Variants in B2M observed in about 807,000 individuals in gnomAD.
The protein encoded by B2M is beta chain of MHC class I molecules.
In B2M, 3 loss-of-function variants were observed where a neutral mutation model predicts 14.5. That is an observed-to-expected ratio of 0.21 (90% confidence interval 0.09 to 0.53). The LOEUF is 0.53. B2M is among the 20% of genes least tolerant of loss of function. The pLI is 0.95. For missense variants in B2M, 107 were observed against 140.8 expected (o/e 0.76, Z 1.21); for synonymous variants, 45 against 52.7 (o/e 0.85, Z 0.64).
At chr15:44,712,999 G>GAAAAAAAAAAA (rs3042005) in intron 1 of B2M, 1 of 92,772 alleles carries the variant, frequency 1.1e-5, no homozygotes, top group South Asian at 3.1e-4. Flanking sequence ...TCTCAAAAAA[G>GAAAAAAAAAAA]AAAAAAAAAA....
At chr15:44,716,626 ACCCACATTACCT>A in intron 3 of B2M, 1 of 519,898 alleles carries the variant, frequency 1.9e-6, no homozygotes, top group South Asian at 2.8e-5. Context: ...GCAGGTGGTT[ACCCACATTACCT>A]GCAAGGCTTT....
At position 44,716,331 on chromosome 15, in the gene B2M, C is replaced by T. The variant is rs777448652; in HGVS notation, c.349C>T (p.Arg117Ter). 3.1e-6 allele frequency: 5 copies of T among 1,612,274 alleles called. No homozygotes were observed. Among genetic ancestry groups the T allele is most frequent in the Non-Finnish European group, 4.2e-6 (5 of 1,178,582 alleles). Residue 117 changes from arginine (R) to a stop codon, truncating the protein, a stop_gained and splice_region_variant, in exon 3 of 4, where the codon CGA becomes TGA. Transcript: ENST00000648006. LOFTEE classifies it high-confidence loss of function. Reference sequence around the variant, plus strand: ...TTTCTCCACTGTCTTTTTCATAGATCGAGACATGTAAGCAGCATCATGGAG... The same window carrying T: ...TTTCTCCACTGTCTTTTTCATAGATTGAGACATGTAAGCAGCATCATGGAG... ...LSQPKIVKWD[R>*]DM is the part of the protein sequence containing the mutation.
At chr15:44,711,851 C>A in intron 1 of B2M, 1 of 634,782 alleles carries the variant, frequency 1.6e-6, no homozygotes, top group Non-Finnish European at 2.8e-6. Flanking sequence ...CAGGGGAGAC[C>A]TTTGGCCTAC....
chr15:44,714,817 C>T (rs1038014934), intron 1 of B2M: 25 of 159,766 alleles, frequency 1.6e-4, no homozygotes, highest in African/African-American at 5.3e-4. Flanking sequence ...ACATCTGCCA[C>T]GTATAGAGCA....
intron 2 of B2M, chr15:44,716,096 C>T (rs1671720817): frequency 1.6e-6 from 1 of 615,958 alleles, no homozygotes; most frequent in Admixed American, 2.9e-5. Flanking sequence ...GTCCTGCTGT[C>T]CTAGCATCCT....
chr15:44,717,387 A>G (rs552343282), intron 3 of B2M: 1 of 152,306 alleles, frequency 6.6e-6, no homozygotes, highest in Admixed American at 6.5e-5. Flanking sequence ...ACAGTCCATC[A>G]TTGACCAAAA....
chr15:44,716,306 T>A (rs369518558), intron 2 of B2M, 23 bp from the exon 3 acceptor site: 6 of 1,609,150 alleles, frequency 3.7e-6, no homozygotes, highest in Non-Finnish European at 4.3e-6. Context: ...CTTCCTTTTT[T>A]TTCTCCACTG....
chr15:44,713,550 A>G (rs538239340), intron 1 of B2M: 4 of 152,328 alleles, frequency 2.6e-5, no homozygotes, highest in African/African-American at 9.6e-5. Flanking sequence ...ATAACTCTCC[A>G]AAAGTCATAA....
chr15:44,715,811 C>A, intron 2 of B2M, 110 bp downstream of exon 2: 1 of 1,296,002 alleles, frequency 7.7e-7, no homozygotes, highest in Non-Finnish European at 1.1e-6. Flanking sequence ...TGAATGAGTC[C>A]CATCCCATCT....
At chr15:44,711,740 C>A in intron 1 of B2M, 127 bp downstream of exon 1, 1 of 1,229,664 alleles carries the variant, frequency 8.1e-7, no homozygotes, top group Non-Finnish European at 1.2e-6. Flanking sequence ...CGCCGTGGGG[C>A]TAGTCCAGGG....
chr15:44,715,811 C>T, intron 2 of B2M, 110 bp downstream of exon 2: 4 of 1,296,004 alleles, frequency 3.1e-6, no homozygotes, highest in Non-Finnish European at 4.4e-6. Flanking sequence ...TGAATGAGTC[C>T]CATCCCATCT....
At chr15:44,716,565 C>T (rs2086943839) in intron 3 of B2M, 2 of 609,914 alleles carry the variant, frequency 3.3e-6, no homozygotes, top group Admixed American at 5.9e-5. Flanking sequence ...ATATTACTGA[C>T]CCTCTACAGA....
intron 1 of B2M, chr15:44,713,439 G>A (rs931316886): frequency 6.6e-6 from 1 of 152,186 alleles, no homozygotes; most frequent in African/African-American, 2.4e-5. Flanking sequence ...AATGATGATT[G>A]CCTCTGAAGG....
At chr15:44,711,673 C>T in intron 1 of B2M, 60 bp downstream of exon 1, 2 of 1,551,668 alleles carry the variant, frequency 1.3e-6, no homozygotes, top group South Asian at 2.2e-5. Flanking sequence ...CCCTCTGTGG[C>T]CCTCGCTGTG....
chr15:44,711,947 C>T, intron 1 of B2M: 1 of 481,040 alleles, frequency 2.1e-6, no homozygotes, highest in Non-Finnish European at 3.8e-6. Context: ...TCCGCTCTTT[C>T]GCGGGGCCTC....
chr15:44,716,466 A>AT (rs1047971360), intron 3 of B2M, 110 bp downstream of exon 3: 250 of 1,211,308 alleles, frequency 2.1e-4, no homozygotes, highest in Non-Finnish European at 2.9e-4. Context: ...ACAGAGTAAC[A>AT]TTTTAGCAGG....
chr15:44,716,188 C>T lies in B2M; in HGVS notation c.347-141C>T, dbSNP rs1483451031. 6.1e-6 allele frequency: 6 copies of T among 983,530 alleles called. No homozygotes were observed. The East Asian group carries it at 1.5e-4, about 25-fold the overall frequency. The allele number at this position is 983,530 out of a possible 1,614,324, so 60.9% of individuals were successfully genotyped here. On this transcript the variant is annotated intron_variant, in intron 2 of 3. Coordinates refer to ENST00000648006, the MANE Select transcript of B2M (RefSeq NM_004048.4). ...AAGGGCTTGTTCCTGCTGGGTAGCT[C>T]TAAACAATGTATTCATGGGTAGGAA...
At chr15:44,711,667 C>T in intron 1 of B2M, 54 bp downstream of exon 1, 2 of 1,563,884 alleles carry the variant, frequency 1.3e-6, no homozygotes, top group Non-Finnish European at 1.8e-6. Flanking sequence ...TCTGCACCCT[C>T]TGTGGCCCTC....
intron 3 of B2M, 149 bp downstream of exon 3, chr15:44,716,505 C>T: frequency 4.5e-6 from 4 of 884,566 alleles, no homozygotes; most frequent in South Asian, 1.5e-5. Context: ...GGTCATGTTC[C>T]CTTCTCCTGT....
Sources: allele counts gnomAD v4.1 joint callset, GRCh38; gene constraint gnomAD v4.1.1; transcripts MANE v1.5; gene names NCBI Gene and HGNC (gene_info 2026-07-23, HGNC 2026-07-21).